GLCCI1: variants seen among roughly 807,000 people sequenced by gnomAD.
The protein encoded by GLCCI1 is glucocorticoid induced 1.
A neutral mutation model predicts 52.2 loss-of-function variants in GLCCI1; 24 were observed. The observed-to-expected ratio is 0.46, with a 90% CI of 0.33 to 0.65. The LOEUF is 0.65. Ranked by LOEUF, GLCCI1 falls within the 30% of genes least tolerant of loss-of-function variation. The pLI, the probability that GLCCI1 is intolerant of heterozygous loss-of-function variation, is 0.02. For synonymous variants in GLCCI1, 310 were observed against 276.5 expected, an observed-to-expected ratio of 1.12 and a Z score of -1.20; for missense variants, 704 against 701.5, an observed-to-expected ratio of 1.00 and a Z score of -0.04.
chr7:8,036,141 C>T (rs1223655113), intron 3 of GLCCI1, among the ~76,000 whole-genome samples: 1 of 152,188 alleles, frequency 6.6e-6, no homozygotes, highest in Admixed American at 6.5e-5. Context: ...CAACCCAATA[C>T]AAAATCTGCT....
In GLCCI1 at chr7:8,059,372, A is replaced by G. The variant is rs75527752; in HGVS notation, c.814-724A>G. Among the ~76,000 whole-genome samples the G allele has an allele frequency of 5.9e-3, 894 of 152,286 alleles. 18 individuals carry two copies. The East Asian group carries it at 0.075, about 13-fold the overall frequency. On this transcript the variant is annotated intron_variant, in intron 4 of 7. Transcript: ENST00000223145. ...ACCTTATCACAGATCATGTATGTCAACTGGATTCAGTGTAAGATAGAGGTC... is the reference window on the plus strand; with the variant it reads ...ACCTTATCACAGATCATGTATGTCAGCTGGATTCAGTGTAAGATAGAGGTC...
rs548329873 is a variant in GLCCI1 at position 8,074,659 on chromosome 7, T to C, written c.1177+3528T>C. On this transcript the variant is annotated intron_variant, in intron 6 of 7. Transcript: ENST00000223145. ...GAGATCACGTCACTGCATTCCAGCCTGGGCAACAGAGCAAGAGTCCATCTC... is the reference window on the plus strand; with the variant it reads ...GAGATCACGTCACTGCATTCCAGCCCGGGCAACAGAGCAAGAGTCCATCTC... 6.6e-5 allele frequency among the ~76,000 whole-genome samples: 10 copies of C among 152,282 alleles called. No individual in the cohort carries two copies. The South Asian group carries it at 2.1e-3, about 32-fold the overall frequency.
intron 1 of GLCCI1, among the ~76,000 whole-genome samples, chr7:7,974,477 A>T (rs1359171581): frequency 6.6e-6 from 1 of 152,128 alleles, no homozygotes; most frequent in Non-Finnish European, 1.5e-5. Context: ...TTCTGTAAGG[A>T]CTTAATGCAA....
At chr7:8,020,835 T>C (rs1781469394) in intron 2 of GLCCI1, among the ~76,000 whole-genome samples, 1 of 152,196 alleles carries the variant, frequency 6.6e-6, no homozygotes, top group South Asian at 2.1e-4. Flanking sequence ...GACTAAACAA[T>C]TGAATAATTT....
chr7:8,036,010 C>A (rs573674882), intron 3 of GLCCI1, among the ~76,000 whole-genome samples: 12 of 152,302 alleles, frequency 7.9e-5, no homozygotes, highest in Admixed American at 4.6e-4. Flanking sequence ...CACAGTCTGG[C>A]CAATTTGAAG....
At chr7:8,014,228 C>T (rs1339612521) in intron 2 of GLCCI1, among the ~76,000 whole-genome samples, 4 of 152,076 alleles carry the variant, frequency 2.6e-5, no homozygotes, top group Non-Finnish European at 5.9e-5. Context: ...TCAGGTGGAC[C>T]TCAGGTGATC....
intron 2 of GLCCI1, among the ~76,000 whole-genome samples, chr7:8,020,751 C>T (rs1583977562): frequency 6.6e-6 from 1 of 152,206 alleles, no homozygotes; most frequent in East Asian, 1.9e-4. Flanking sequence ...TTAATCTTTT[C>T]ATTTTGATAA....
intron 3 of GLCCI1, among the ~76,000 whole-genome samples, chr7:8,028,399 A>T (rs1781667438): frequency 1.3e-5 from 2 of 152,146 alleles, no homozygotes; most frequent in South Asian, 4.1e-4. Context: ...AAATTGAAAA[A>T]CTTCTTGAAA....
At chr7:7,990,531 CA>C (rs1438200829) in intron 1 of GLCCI1, among the ~76,000 whole-genome samples, 1 of 152,102 alleles carries the variant, frequency 6.6e-6, no homozygotes, top group East Asian at 1.9e-4. Context: ...CAATCCTTGG[CA>C]AAACTTCCTG....
At chr7:8,078,766 A>T (rs1034747959) in intron 6 of GLCCI1, 1 of 152,172 alleles carries the variant, frequency 6.6e-6, no homozygotes, top group Non-Finnish European at 1.5e-5. Flanking sequence ...GGAGGAGGAG[A>T]TCAGGATAAC....
At chr7:8,041,800 CA>C (rs1189824423) in intron 3 of GLCCI1, among the ~76,000 whole-genome samples, 1 of 152,088 alleles carries the variant, frequency 6.6e-6, no homozygotes, top group East Asian at 1.9e-4. Context: ...TTATGTTGCC[CA>C]GACTGGTCTC....
chr7:8,002,211 A>C (rs1285535600), intron 1 of GLCCI1, among the ~76,000 whole-genome samples: 1 of 152,202 alleles, frequency 6.6e-6, no homozygotes, highest in East Asian at 1.9e-4. Flanking sequence ...AGTAGTTTAA[A>C]GCTTTTAGAG....
chr7:7,982,965 A>G lies in GLCCI1; in HGVS notation c.457+13158A>G, dbSNP rs962239001. Among the ~76,000 whole-genome samples the G allele has an allele frequency of 5.9e-5, 9 of 152,292 alleles. No homozygotes were observed. The South Asian group carries it at 1.0e-3, about 18-fold the overall frequency. On this transcript the variant is annotated intron_variant, in intron 1 of 7. Coordinates refer to ENST00000223145, the MANE Select transcript of GLCCI1 (RefSeq NM_138426.4). The stretch of plus-strand genomic sequence containing the variant: ...ATGCCAAATTATAAAAAATATTAGA[A>G]TTATAGCCTTTAATATTACTATTCA...
chr7:8,036,645 CAAAGA>C (rs1781874649), intron 3 of GLCCI1, among the ~76,000 whole-genome samples: 1 of 151,980 alleles, frequency 6.6e-6, no homozygotes, highest in Non-Finnish European at 1.5e-5. Context: ...AAAAACAATA[CAAAGA>C]AATCAGAAAA....
At chr7:8,023,757 T>C (rs1328833422) in intron 3 of GLCCI1, among the ~76,000 whole-genome samples, 2 of 151,570 alleles carry the variant, frequency 1.3e-5, no homozygotes, top group Non-Finnish European at 2.9e-5. Context: ...TGCCACCATG[T>C]CCAGCTAATT....
chr7:7,969,318 C>A lies in GLCCI1; in HGVS notation c.-33C>A, dbSNP rs1242111728. The A allele has an allele frequency of 2.9e-6, 4 of 1,388,026 alleles. No individual in the cohort carries two copies. The African/African-American group carries it at 4.6e-5, about 16-fold the overall frequency. The allele number at this position is 1,388,026 out of a possible 1,614,324, so 86.0% of individuals were successfully genotyped here. Reference sequence around the variant, plus strand: ...CGCCTCCCGCCCCGCGCCTCCGTGTCGGCCGGCGGCGTCCAGGGCCCGCAG... The same window carrying A: ...CGCCTCCCGCCCCGCGCCTCCGTGTAGGCCGGCGGCGTCCAGGGCCCGCAG... On this transcript the variant is annotated 5_prime_UTR_variant, in exon 1 of 8. Coordinates refer to ENST00000223145, the MANE Select transcript of GLCCI1 (RefSeq NM_138426.4). This position sits in a 1 kb window ranked among gnomAD's most constrained non-coding sequence, Gnocchi z 4.9.
intron 2 of GLCCI1, among the ~76,000 whole-genome samples, chr7:8,012,286 A>C (rs1295587652): frequency 6.6e-6 from 1 of 151,970 alleles, no homozygotes; most frequent in African/African-American, 2.4e-5. Context: ...TTTTGGAGAA[A>C]TGTCTATTCA....
intron 1 of GLCCI1, among the ~76,000 whole-genome samples, chr7:7,979,807 T>C (rs1032932208): frequency 1.3e-5 from 2 of 152,226 alleles, no homozygotes; most frequent in Non-Finnish European, 2.9e-5. Flanking sequence ...TGTCTAAATA[T>C]CTGCTATTGC....
intron 4 of GLCCI1, among the ~76,000 whole-genome samples, chr7:8,057,622 A>C (rs1025051503): frequency 1.3e-5 from 2 of 152,142 alleles, no homozygotes; most frequent in Non-Finnish European, 2.9e-5. Context: ...TGCATACTTA[A>C]AATGGGAGAA....
Sources: allele counts gnomAD v4.1 joint callset (sites outside exome capture counted in the v4.1 genomes callset), GRCh38; gene constraint gnomAD v4.1.1; non-coding constraint Gnocchi (gnomAD v3.1); transcripts MANE v1.5; gene names NCBI Gene and HGNC (gene_info 2026-07-23, HGNC 2026-07-21).